ARNT2: variants seen among roughly 807,000 people sequenced by gnomAD.
ARNT2 encodes aryl hydrocarbon receptor nuclear translocator 2.
In ARNT2, 36 loss-of-function variants were observed where a neutral mutation model predicts 91.7. That is an observed-to-expected ratio of 0.39 (90% CI 0.30 to 0.52). The LOEUF is 0.52. ARNT2 is among the 20% of genes least tolerant of loss of function. The probability of loss-of-function intolerance (pLI) is 0.72; values close to 1 mark genes in which losing one functional copy is unlikely to be tolerated. For missense variants in ARNT2, 775 were observed against 939.3 expected (o/e 0.83, Z 2.29); for synonymous variants, 365 against 347.1 (o/e 1.05, Z -0.57).
At chr15:80,579,642 G>A (rs1277007079) in intron 15 of ARNT2, among the ~76,000 whole-genome samples, 1 of 152,178 alleles carries the variant, frequency 6.6e-6, no homozygotes, top group Non-Finnish European at 1.5e-5. Flanking sequence ...GGAGGGGCCT[G>A]AAACAAAGTA....
At chr15:80,513,885 A>G (rs180982832) in intron 6 of ARNT2, 26 bp from the exon 7 acceptor site, 257 of 1,596,814 alleles carry the variant, frequency 1.6e-4, no homozygotes, top group Admixed American at 5.0e-4. Flanking sequence ...GTCTTTGCTC[A>G]TTCTAATACA....
intron 5 of ARNT2, among the ~76,000 whole-genome samples, chr15:80,479,118 G>A (rs1484975013): frequency 1.3e-5 from 2 of 152,176 alleles, no homozygotes; most frequent in Non-Finnish European, 2.9e-5. Context: ...GGACCTGCAG[G>A]GTCACCTGTA....
chr15:80,485,503 T>A (rs1896957326), intron 5 of ARNT2, among the ~76,000 whole-genome samples: 1 of 152,138 alleles, frequency 6.6e-6, no homozygotes, highest in Non-Finnish European at 1.5e-5. Flanking sequence ...ACCAAAGAGA[T>A]AATCACATCT....
chr15:80,532,679 A>G (rs1897758100), intron 8 of ARNT2, among the ~76,000 whole-genome samples: 1 of 152,154 alleles, frequency 6.6e-6, no homozygotes, highest in African/African-American at 2.4e-5. Flanking sequence ...AAGTTATTTT[A>G]TTCTTCTATC....
intron 8 of ARNT2, among the ~76,000 whole-genome samples, chr15:80,542,467 TAGAC>T (rs1168438043): frequency 6.6e-6 from 1 of 152,190 alleles, no homozygotes; most frequent in Admixed American, 6.5e-5. Context: ...CATTAGGAAT[TAGAC>T]AGGGTATAGT....
At chr15:80,420,520 A>G (rs954068240) in intron 1 of ARNT2, among the ~76,000 whole-genome samples, 1 of 152,108 alleles carries the variant, frequency 6.6e-6, no homozygotes, top group Non-Finnish European at 1.5e-5. Context: ...GATATTTTCA[A>G]TTTACGATGG....
intron 6 of ARNT2, among the ~76,000 whole-genome samples, chr15:80,509,019 G>C (rs981164312): frequency 8.5e-5 from 13 of 152,204 alleles, no homozygotes; most frequent in African/African-American, 2.9e-4. Context: ...TGTTTGGGCT[G>C]TGGAGTTCAT....
intron 8 of ARNT2, among the ~76,000 whole-genome samples, chr15:80,526,278 G>A (rs1313791948): frequency 6.6e-6 from 1 of 152,186 alleles, no homozygotes; most frequent in Non-Finnish European, 1.5e-5. Context: ...TAATGCTTCA[G>A]GTGTTCATTC....
chr15:80,526,983 C>T (rs1897649293), intron 8 of ARNT2, among the ~76,000 whole-genome samples: 1 of 152,206 alleles, frequency 6.6e-6, no homozygotes, highest in African/African-American at 2.4e-5. Flanking sequence ...CCCAGCCATC[C>T]CACCCTGCCC....
At chr15:80,516,843 A>ATATATATATATATATATATG in intron 8 of ARNT2, among the ~76,000 whole-genome samples, 1 of 139,184 alleles carries the variant, frequency 7.2e-6, no homozygotes, top group African/African-American at 2.6e-5. Flanking sequence ...ATATATATAT[A>ATATATATATATATATATATG]TATATATATA....
At chr15:80,496,133 T>C (rs1172462224) in intron 5 of ARNT2, among the ~76,000 whole-genome samples, 4 of 152,040 alleles carry the variant, frequency 2.6e-5, no homozygotes, top group Admixed American at 1.3e-4. Context: ...TCTTGCTCTC[T>C]ACCCAGTCTC....
At chr15:80,568,288 G>A (rs186666592) in intron 12 of ARNT2, among the ~76,000 whole-genome samples, 34 of 152,298 alleles carry the variant, frequency 2.2e-4, no homozygotes, top group South Asian at 4.1e-4. Context: ...ACATGGGCAC[G>A]ACCTAGCTGC....
intron 2 of ARNT2, among the ~76,000 whole-genome samples, chr15:80,454,535 G>C (rs1896454119): frequency 6.6e-6 from 1 of 152,240 alleles, no homozygotes; most frequent in Non-Finnish European, 1.5e-5. Context: ...TCAAATTGCA[G>C]GTATATTTAT....
intron 1 of ARNT2, chr15:80,434,334 T>C (rs1039317003): frequency 1.8e-4 from 27 of 152,242 alleles, no homozygotes; most frequent in Admixed American, 1.2e-3. Context: ...GAACAGGAAG[T>C]GCTCCTTTTT....
chr15:80,451,609 T>C (rs12910747), intron 2 of ARNT2, among the ~76,000 whole-genome samples: 1 of 152,116 alleles, frequency 6.6e-6, no homozygotes, highest in East Asian at 1.9e-4. Flanking sequence ...TTTGTGGCTG[T>C]ACACAGACCT....
intron 12 of ARNT2, among the ~76,000 whole-genome samples, chr15:80,571,505 G>A (rs1431139078): frequency 2.0e-5 from 3 of 152,176 alleles, no homozygotes; most frequent in East Asian, 3.8e-4. Context: ...TGTTTGCCTG[G>A]GAGGAAGATT....
chr15:80,455,253 C>T (rs768187574), intron 2 of ARNT2, among the ~76,000 whole-genome samples: 3 of 152,108 alleles, frequency 2.0e-5, no homozygotes, highest in African/African-American at 4.8e-5. Flanking sequence ...AGACTGTTTT[C>T]GGGTGGATTG....
Position 80,452,819 on chromosome 15 carries a change from G to A in ARNT2, c.146+1825G>A, listed in dbSNP as rs147978654. Among the ~76,000 whole-genome samples the A allele has an allele frequency of 4.8e-3, 729 of 152,300 alleles. 7 individuals carry two copies. The highest frequency in any genetic ancestry group is 7.2e-3 in the Non-Finnish European group (490 of 68,024). On this transcript the variant is annotated intron_variant, in intron 2 of 18. Coordinates refer to ENST00000303329, the MANE Select transcript of ARNT2 (RefSeq NM_014862.4). The stretch of plus-strand genomic sequence containing the variant: ...TCCCCTCCCGTAGGGCCTGGGCTGC[G>A]GTGAGCCGAGGCTGCTTCCCTCCTC...
chr15:80,518,671 T>TCTTA (rs1428963651), intron 8 of ARNT2, among the ~76,000 whole-genome samples: 1 of 152,094 alleles, frequency 6.6e-6, no homozygotes, highest in Non-Finnish European at 1.5e-5. Context: ...GGGAGAGAAA[T>TCTTA]TGTTCTGTAA....
Sources: allele counts gnomAD v4.1 joint callset (sites outside exome capture counted in the v4.1 genomes callset), GRCh38; gene constraint gnomAD v4.1.1; transcripts MANE v1.5; gene names NCBI Gene and HGNC (gene_info 2026-07-23, HGNC 2026-07-21).